POTEB3: variants seen among roughly 807,000 people sequenced by gnomAD.
POTEB3 encodes ANKRD26-like family B member 1.
Under a neutral mutation model 39.8 loss-of-function variants are expected in POTEB3, and 5 were observed. The ratio of observed to expected loss-of-function variants is 0.13; its 90% CI spans 0.07 to 0.26. The LOEUF is 0.26. POTEB3 is among the 10% of genes least tolerant of loss of function. The pLI is 1.00. For missense variants in POTEB3, 24 were observed against 475.6 expected (o/e 0.05, Z 8.83); for synonymous variants, 5 against 161.5 (o/e 0.03, Z 7.35).
At chr15:21,424,787 C>A (rs1354211664) in intron 6 of POTEB3, among the ~76,000 whole-genome samples, 2 of 151,310 alleles carry the variant, frequency 1.3e-5, no homozygotes, top group Non-Finnish European at 2.9e-5. Flanking sequence ...TCTGACATTT[C>A]TCTCTGTCCT....
Position 21,410,638 on chromosome 15 carries a change from C to T in POTEB3, c.1533+240G>A, listed in dbSNP as rs1481783583. The stretch of plus-strand genomic sequence containing the variant: ...TGAGGCCATTGTGAAGGTCACTACT[C>T]GACTGTTGCAGGCAAATGCAGTTGA... On this transcript the variant is annotated intron_variant, in intron 10 of 10. Transcript: ENST00000611217. Among the ~76,000 whole-genome samples the T allele has an allele frequency of 9.2e-5, 7 of 75,830 alleles. 1 individual carries two copies. Among genetic ancestry groups the T allele is most frequent in the East Asian group, 3.9e-4 (1 of 2,580 alleles). The allele number at this position is 75,830 out of a possible 152,430, so 49.7% of individuals were successfully genotyped here. A position where few individuals can be genotyped will look rare whatever the true frequency, so the allele number is the denominator to read the frequency against.
At chr15:21,431,008 C>A (rs1194242577) in intron 4 of POTEB3, among the ~76,000 whole-genome samples, 5 of 150,876 alleles carry the variant, frequency 3.3e-5, no homozygotes, top group Admixed American at 6.6e-5. Context: ...ATGTCACACA[C>A]GTAGCAAGTA....
intron 9 of POTEB3, among the ~76,000 whole-genome samples, chr15:21,417,496 GCATTAAAAATGC>G (rs1898426068): frequency 1.4e-5 from 1 of 72,328 alleles, no homozygotes. Context: ...TACACATGTG[GCATTAAAAATGC>G]CAGACCAAGG....
At chr15:21,434,068 C>A (rs58126066) in intron 3 of POTEB3, among the ~76,000 whole-genome samples, 3,745 of 127,786 alleles carry the variant, frequency 0.029, 64 homozygotes, top group African/African-American at 0.047. Flanking sequence ...CACACACAAA[C>A]AAAAACAAAA....
intron 3 of POTEB3, among the ~76,000 whole-genome samples, chr15:21,434,354 A>G (rs1899106746): frequency 7.8e-6 from 1 of 127,656 alleles, no homozygotes; most frequent in Admixed American, 7.9e-5. Flanking sequence ...TTGTCATTTT[A>G]CATTTGTTAG....
In POTEB3 at chr15:21,410,870, G is replaced by C; in HGVS notation, c.1533+8C>G. 9.2e-7 allele frequency: 1 copy of C among 1,091,384 alleles called. No individual in the cohort carries two copies. Among genetic ancestry groups the C allele is most frequent in the African/African-American group, 4.6e-5 (1 of 21,728 alleles). 67.6% of individuals were successfully genotyped at this position (1,091,384 alleles called of 1,614,324 possible). On this transcript the variant is annotated splice_region_variant and intron_variant, in intron 10 of 10. Coordinates refer to ENST00000611217, the MANE Select transcript of POTEB3 (RefSeq NM_207355.5). Reference sequence around the variant, plus strand: ...ATGAAAACATTTGATAATGACTAAAGAAAATACCTTAGAATTCATTTCCTT... The same window carrying C: ...ATGAAAACATTTGATAATGACTAAACAAAATACCTTAGAATTCATTTCCTT...
At position 21,426,420 on chromosome 15, in the gene POTEB3, T is replaced by C. The variant is rs1898710814; in HGVS notation, c.1126+1265A>G. Among the ~76,000 whole-genome samples the C allele has an allele frequency of 2.0e-5, 3 of 150,234 alleles. No individual in the cohort carries two copies. In the South Asian group the frequency reaches 6.2e-4, roughly 31 times the overall value. ...GTAAGCACTGAATAAAGTAGTAAAA[T>C]AATAAAAGTGACAATGATAATAACA... On this transcript the variant is annotated intron_variant, in intron 6 of 10. Coordinates refer to ENST00000611217, the MANE Select transcript of POTEB3 (RefSeq NM_207355.5).
chr15:21,414,022 GC>G (rs1450284035), intron 9 of POTEB3, among the ~76,000 whole-genome samples: 16 of 81,164 alleles, frequency 2.0e-4, no homozygotes, highest in Admixed American at 1.7e-3. Flanking sequence ...TTCAATTTTA[GC>G]CTAGTATTTA....
chr15:21,434,133 G>A (rs1899096677), intron 3 of POTEB3, among the ~76,000 whole-genome samples: 1 of 141,612 alleles, frequency 7.1e-6, no homozygotes, highest in Non-Finnish European at 1.5e-5. Context: ...TTCCAAGTTG[G>A]CCTTGGTATT....
At position 21,411,093 on chromosome 15, in the gene POTEB3, T is replaced by C; in HGVS notation, c.1410-92A>G. On this transcript the variant is annotated intron_variant, in intron 9 of 10. Transcript: ENST00000611217. ...GCACCATCAGATGTCATTCACACAA[T>C]GTATATCTGCACATTAATCCAAGAC... 4 of 908,072 alleles carry C rather than the reference T, an allele frequency of 4.4e-6. 1 individual carries two copies. The highest frequency in any genetic ancestry group is 8.9e-5 in the East Asian group (2 of 22,364). The allele number at this position is 908,072 out of a possible 1,614,324, so 56.3% of individuals were successfully genotyped here.
intron 3 of POTEB3, among the ~76,000 whole-genome samples, chr15:21,433,444 A>C (rs1199100095): frequency 6.7e-6 from 1 of 149,496 alleles, no homozygotes; most frequent in Non-Finnish European, 1.5e-5. Flanking sequence ...ACTCTATCAA[A>C]ATCTTCAGGG....
Position 21,414,471 on chromosome 15 carries a change from A to C in POTEB3, c.1410-3470T>G, listed in dbSNP as rs1452120210. On this transcript the variant is annotated intron_variant, in intron 9 of 10. Coordinates refer to ENST00000611217, the MANE Select transcript of POTEB3 (RefSeq NM_207355.5). ...CTTTTATACAGAAAATTTTTGGTTA[A>C]AGTTGACTCTAACTTAGGAAAGAAA... 5.8e-5 allele frequency among the ~76,000 whole-genome samples: 6 copies of C among 103,684 alleles called. No homozygotes were observed. The South Asian group carries it at 1.2e-3, about 21-fold the overall frequency. 68.0% of individuals were successfully genotyped at this position (103,684 alleles called of 152,430 possible).
Position 21,407,433 on chromosome 15 carries a change from A to G in POTEB3, c.*1550T>C, listed in dbSNP as rs1186719093. 1.7e-4 allele frequency among the ~76,000 whole-genome samples: 14 copies of G among 84,732 alleles called. 1 individual carries two copies. Among genetic ancestry groups the G allele is most frequent in the Non-Finnish European group, 1.7e-4 (8 of 47,574 alleles). 55.6% of individuals were successfully genotyped at this position (84,732 alleles called of 152,430 possible). A position where few individuals can be genotyped will look rare whatever the true frequency, so the allele number is the denominator to read the frequency against. On this transcript the variant is annotated 3_prime_UTR_variant, in exon 11 of 11. Coordinates refer to ENST00000611217, the MANE Select transcript of POTEB3 (RefSeq NM_207355.5). ...CCACCTGTGTAAACACACACAGCTA[A>G]GTGATGTAGGAAGTTTCCATATAAA...
chr15:21,419,761 A>G (rs1898461643), intron 8 of POTEB3, 131 bp from the exon 9 acceptor site: 1 of 408,192 alleles, frequency 2.4e-6, no homozygotes, highest in Non-Finnish European at 4.5e-6. Context: ...CTTAAATTTG[A>G]TCATATATAC....
intron 6 of POTEB3, among the ~76,000 whole-genome samples, chr15:21,423,104 T>C (rs1458548776): frequency 6.9e-6 from 1 of 144,522 alleles, no homozygotes; most frequent in Non-Finnish European, 1.5e-5. Context: ...TTTTCATTTT[T>C]CTTTTTTTTT....
At position 21,428,269 on chromosome 15, in the gene POTEB3, A is replaced by G. The variant is rs61997948; in HGVS notation, c.1056-514T>C. Among the ~76,000 whole-genome samples the G allele has an allele frequency of 1.5e-3, 203 of 138,526 alleles. 2 individuals carry two copies. Among genetic ancestry groups the G allele is most frequent in the East Asian group, 6.0e-3 (27 of 4,526 alleles). The allele number at this position is 138,526 out of a possible 152,430, so 90.9% of individuals were successfully genotyped here. A position where few individuals can be genotyped will look rare whatever the true frequency, so the allele number is the denominator to read the frequency against. ...GAATCCCAAATAAAACCCCATGTGT[A>G]TTTTGTTCATAGGTTCTAATATGCA... On this transcript the variant is annotated intron_variant, in intron 5 of 10. Transcript: ENST00000611217.
At chr15:21,422,872 C>T (rs1898562456) in intron 6 of POTEB3, among the ~76,000 whole-genome samples, 4 of 149,902 alleles carry the variant, frequency 2.7e-5, no homozygotes, top group Admixed American at 1.3e-4. Flanking sequence ...ATAAGCCAAG[C>T]CCTGTCTTTG....
chr15:21,410,104 C>A lies in POTEB3; in HGVS notation c.1533+774G>T, dbSNP rs1440440691. 4.2e-5 allele frequency among the ~76,000 whole-genome samples: 4 copies of A among 95,032 alleles called. No individual in the cohort carries two copies. The East Asian group carries it at 8.2e-4, about 20-fold the overall frequency. 62.3% of individuals were successfully genotyped at this position (95,032 alleles called of 152,430 possible). A position where few individuals can be genotyped will look rare whatever the true frequency, so the allele number is the denominator to read the frequency against. ...CTTCTGTGGTGTAAATATATAAATA[C>A]AAAAGAAGCCTTTTATTTCAAAATA... is the stretch of plus-strand genomic sequence containing the variant. On this transcript the variant is annotated intron_variant, in intron 10 of 10. Coordinates refer to ENST00000611217, the MANE Select transcript of POTEB3 (RefSeq NM_207355.5).
chr15:21,432,954 T>TAAA (rs60113861), intron 3 of POTEB3, among the ~76,000 whole-genome samples: 3 of 69,522 alleles, frequency 4.3e-5, no homozygotes, highest in African/African-American at 1.9e-4. Context: ...TCATCTCTAC[T>TAAA]AAAAAAAAAA....
Sources: gnomAD v4.1 joint callset for allele counts (sites outside exome capture counted in the v4.1 genomes callset) on GRCh38, gnomAD v4.1.1 for gene constraint, MANE v1.5 for transcripts, NCBI Gene and HGNC (gene_info 2026-07-23, HGNC 2026-07-21) for gene names.